The following PSAT1 variants were observed in gnomAD, a reference collection of about 807,000 sequenced individuals.
PSAT1 encodes phosphoserine aminotransferase 1.
PSAT1 carries 41 observed loss-of-function variants against 40.3 expected under a neutral mutation model. That is an observed-to-expected ratio of 1.02 (90% CI 0.79 to 1.32). PSAT1 has a LOEUF of 1.32. Ranked by LOEUF, PSAT1 falls within the 40% of genes most tolerant of loss-of-function variation. The pLI, the probability that PSAT1 is intolerant of heterozygous loss-of-function variation, is 0.00. For missense variants in PSAT1, 406 were observed against 455.8 expected (o/e 0.89, Z 0.99); for synonymous variants, 147 against 170.5 (o/e 0.86, Z 1.07).
intron 6 of PSAT1, among the ~76,000 whole-genome samples, chr9:78,316,442 C>G (rs7862389): frequency 0.027 from 4,181 of 152,202 alleles, 172 homozygotes; most frequent in African/African-American, 0.094. Context: ...ACATGATCCC[C>G]TAGGGCTCTC....
chr9:78,319,987 C>T (rs1459628228), intron 7 of PSAT1, among the ~76,000 whole-genome samples: 7 of 150,646 alleles, frequency 4.6e-5, no homozygotes, highest in African/African-American at 1.7e-4. Context: ...CACTCATTCA[C>T]TCATTCATTC....
intron 1 of PSAT1, chr9:78,298,346 A>G (rs1828058059): frequency 3.0e-6 from 3 of 985,050 alleles, no homozygotes; most frequent in African/African-American, 1.7e-5. Context: ...ACAATTATCA[A>G]TTGTTGAGCA....
At chr9:78,314,827 C>A (rs1225029897) in intron 6 of PSAT1, among the ~76,000 whole-genome samples, 1 of 151,830 alleles carries the variant, frequency 6.6e-6, no homozygotes, top group Non-Finnish European at 1.5e-5. Context: ...TTAGACAAAC[C>A]AAATCCACAG....
intron 5 of PSAT1, among the ~76,000 whole-genome samples, chr9:78,306,954 C>T (rs948309526): frequency 6.6e-6 from 1 of 152,170 alleles, no homozygotes; most frequent in Non-Finnish European, 1.5e-5. Context: ...CCCCAGGGTG[C>T]GATGCGGGTA....
intron 1 of PSAT1, among the ~76,000 whole-genome samples, chr9:78,299,008 C>G (rs1046829813): frequency 1.3e-5 from 2 of 151,852 alleles, no homozygotes; most frequent in Non-Finnish European, 2.9e-5. Context: ...GGTGTGGTGG[C>G]GCACGCCTGT....
At chr9:78,310,197 T>G (rs7874774) in intron 6 of PSAT1, among the ~76,000 whole-genome samples, 43,865 of 152,056 alleles carry the variant, frequency 0.29, 6,527 homozygotes, top group East Asian at 0.45. Context: ...TCCTCCCAAC[T>G]ACCCTAGTAG....
intron 7 of PSAT1, among the ~76,000 whole-genome samples, chr9:78,319,563 C>T (rs1168955487): frequency 6.6e-6 from 1 of 152,200 alleles, no homozygotes; most frequent in East Asian, 1.9e-4. Context: ...GCCAGGATAC[C>T]CTGCCTGTGC....
chr9:78,304,585 G>A (rs1564013350), intron 3 of PSAT1, 150 bp from the exon 4 acceptor site: 1 of 772,272 alleles, frequency 1.3e-6, no homozygotes, highest in East Asian at 2.6e-5. Flanking sequence ...AAATAAATGA[G>A]TGAATTAGGG....
At position 78,300,593 on chromosome 9, in the gene PSAT1, T is replaced by C. The variant is rs770123377; in HGVS notation, c.61-9T>C. On this transcript the variant is annotated splice_polypyrimidine_tract_variant and intron_variant, in intron 1 of 8. Coordinates refer to ENST00000376588, the MANE Select transcript of PSAT1 (RefSeq NM_058179.4). ...TTAAATAACCCTATTTTCCTTTATT[T>C]TTTTCTAGGTGTTGTTAGAGATACA... 6.2e-7 allele frequency: 1 copy of C among 1,609,176 alleles called. No individual in the cohort carries two copies. The highest frequency in any genetic ancestry group is 2.2e-5 in the East Asian group (1 of 44,830).
chr9:78,319,478 C>A (rs1419224959), intron 7 of PSAT1, among the ~76,000 whole-genome samples: 1 of 152,234 alleles, frequency 6.6e-6, no homozygotes, highest in African/African-American at 2.4e-5. Context: ...TTCTGTGCAA[C>A]AGAGAAGCAA....
chr9:78,302,877 C>T (rs191610134), intron 3 of PSAT1, among the ~76,000 whole-genome samples: 109 of 152,092 alleles, frequency 7.2e-4, no homozygotes, highest in Admixed American at 2.0e-3. Flanking sequence ...ACTGCTTAGA[C>T]GAAATCTCCT....
chr9:78,300,337 T>C (rs1828089019), intron 1 of PSAT1, among the ~76,000 whole-genome samples: 1 of 152,216 alleles, frequency 6.6e-6, no homozygotes, highest in African/African-American at 2.4e-5. Context: ...AGGGGACATT[T>C]TCTAGGGAAT....
At position 78,317,691 on chromosome 9, in the gene PSAT1, C is replaced by A; in HGVS notation, c.756C>A (p.Gly252=). ...TTCATTTTAGCATCTACGTCATGGGCTTGGTTCTGGAGTGGATTAAAAACA... is the reference window on the plus strand; with the variant it reads ...TTCATTTTAGCATCTACGTCATGGGATTGGTTCTGGAGTGGATTAAAAACA... ...TPPCFSIYVM[G]LVLEWIKNNG... is the part of the protein sequence containing the mutation. Residue 252 remains glycine (G), a synonymous_variant, in exon 7 of 9, where the codon GGC becomes GGA. Coordinates refer to ENST00000376588, the MANE Select transcript of PSAT1 (RefSeq NM_058179.4). 6.2e-7 allele frequency: 1 copy of A among 1,613,846 alleles called. No homozygotes were observed.
At chr9:78,307,389 C>G (rs1828200191) in intron 5 of PSAT1, among the ~76,000 whole-genome samples, 3 of 152,264 alleles carry the variant, frequency 2.0e-5, no homozygotes, top group Admixed American at 6.5e-5. Context: ...CCATGTTGTA[C>G]TGTGTGTCAG....
At chr9:78,307,380 C>G (rs1828199937) in intron 5 of PSAT1, among the ~76,000 whole-genome samples, 1 of 152,232 alleles carries the variant, frequency 6.6e-6, no homozygotes. Flanking sequence ...AAGGTTCGTC[C>G]ATGTTGTACT....
intron 8 of PSAT1, among the ~76,000 whole-genome samples, 200 bp downstream of exon 8, chr9:78,328,388 T>G (rs1248887872): frequency 6.6e-6 from 1 of 152,182 alleles, no homozygotes; most frequent in African/African-American, 2.4e-5. Context: ...GAGAGTATAA[T>G]GGAGCTCCAT....
At chr9:78,317,858 T>C in intron 7 of PSAT1, 54 bp downstream of exon 7, 2 of 1,575,476 alleles carry the variant, frequency 1.3e-6, no homozygotes, top group South Asian at 1.1e-5. Flanking sequence ...TAAAACTGTG[T>C]ATATACTGTG....
intron 3 of PSAT1, among the ~76,000 whole-genome samples, chr9:78,303,704 C>A (rs1403051126): frequency 7.9e-5 from 12 of 152,164 alleles, no homozygotes; most frequent in Admixed American, 7.9e-4. Flanking sequence ...TGAATATAGG[C>A]CATACATCTT....
rs1299373237 is a variant in PSAT1 at position 78,326,958 on chromosome 9, T to A, written c.870-1093T>A. ...CAATATATATATATATATATATATT[T>A]TTTTTTTTTTTTTTTGAGACAGAGT... On this transcript the variant is annotated intron_variant, in intron 7 of 8. Transcript: ENST00000376588. 1.5e-3 allele frequency among the ~76,000 whole-genome samples: 191 copies of A among 126,784 alleles called. 1 individual carries two copies. Among genetic ancestry groups the A allele is most frequent in the East Asian group, 0.013 (59 of 4,394 alleles). 83.2% of individuals were successfully genotyped at this position (126,784 alleles called of 152,430 possible).
Sources: gnomAD v4.1 joint callset for allele counts (sites outside exome capture counted in the v4.1 genomes callset) on GRCh38, gnomAD v4.1.1 for gene constraint, MANE v1.5 for transcripts, NCBI Gene and HGNC (gene_info 2026-07-23, HGNC 2026-07-21) for gene names.